Variants in CARS2 observed in about 807,000 individuals in gnomAD.
The protein encoded by CARS2 is cysteinyl-tRNA synthetase 2, mitochondrial, also known as probable cysteine--tRNA ligase, mitochondrial.
In CARS2, 52 loss-of-function variants were observed where a neutral mutation model predicts 68.8. The ratio of observed to expected loss-of-function variants is 0.76; its 90% CI spans 0.61 to 0.95. The LOEUF (loss-of-function observed/expected upper bound fraction) is 0.95. Among genes scored for constraint, CARS2 ranks in the 40% least tolerant of loss-of-function variants. The pLI is 0.00. For missense variants in CARS2, 780 were observed against 754.2 expected, an observed-to-expected ratio of 1.03 and a Z score of -0.40; for synonymous variants, 314 against 303.6, an observed-to-expected ratio of 1.03 and a Z score of -0.36.
intron 9 of CARS2, among the ~76,000 whole-genome samples, chr13:110,659,143 T>C (rs2062442045): frequency 6.6e-6 from 1 of 152,048 alleles, no homozygotes; most frequent in African/African-American, 2.4e-5. Flanking sequence ...CTCACACAAA[T>C]GTGCACATGC....
intron 3 of CARS2, among the ~76,000 whole-genome samples, chr13:110,700,994 A>T (rs542379991): frequency 1.3e-5 from 2 of 152,362 alleles, no homozygotes; most frequent in East Asian, 3.9e-4. Flanking sequence ...CATGTCTCAG[A>T]TTACACCCAC....
rs993539981 is a variant in CARS2, at chr13:110,670,280, G to A, written c.786-2807C>T. Among the ~76,000 whole-genome samples the A allele has an allele frequency of 3.9e-5, 6 of 152,216 alleles. 1 individual carries two copies. The highest frequency in any genetic ancestry group is 3.3e-4 in the Admixed American group (5 of 15,286). Reference sequence around the variant, plus strand: ...CTCCTCAAGTGGGTCCCTGATCCCCGAGTAGACCAACTGGGAGACACCTCC... The same window carrying A: ...CTCCTCAAGTGGGTCCCTGATCCCCAAGTAGACCAACTGGGAGACACCTCC... On this transcript the variant is annotated intron_variant, in intron 7 of 14. Coordinates refer to ENST00000257347, the MANE Select transcript of CARS2 (RefSeq NM_024537.4). The surrounding 1 kb of genome is among the most constrained non-coding windows in gnomAD (Gnocchi z 4.1).
At chr13:110,702,799 A>T (rs1207873330) in intron 2 of CARS2, among the ~76,000 whole-genome samples, 1 of 152,198 alleles carries the variant, frequency 6.6e-6, no homozygotes, top group Non-Finnish European at 1.5e-5. Flanking sequence ...CGGGCAGCCA[A>T]GTCTGAAGAA....
intron 3 of CARS2, among the ~76,000 whole-genome samples, chr13:110,698,267 C>A (rs1479059862): frequency 6.6e-6 from 1 of 151,988 alleles, no homozygotes; most frequent in Non-Finnish European, 1.5e-5. Context: ...CACCTGTAAT[C>A]CTAGCACTTT....
At chr13:110,712,879 C>G (rs745471892) in intron 1 of CARS2, 1 of 1,389,836 alleles carries the variant, frequency 7.2e-7, no homozygotes, top group Non-Finnish European at 9.9e-7. Flanking sequence ...CCGTTCCAAA[C>G]TGAGTACCGG....
rs780567107 is a variant in CARS2, at chr13:110,647,135, A to G, written c.1159T>C (p.Cys387Arg). The G allele has an allele frequency of 1.2e-6, 2 of 1,606,548 alleles. No individual in the cohort carries two copies. Among genetic ancestry groups the G allele is most frequent in the East Asian group, 4.5e-5 (2 of 44,728 alleles). Residue 387 changes from cysteine to arginine, a missense_variant, in exon 11 of 15, where the codon TGC becomes CGC. By Grantham distance (180) the Cys-to-Arg change is radical. Transcript: ENST00000257347. ...ARAYMKGQLA[C>R]GSVREAMLWE... ...AGCATCGCTTCCCTGACGGAGCCGC[A>G]GGCCAGCTGCCCCTTCATGTAGGCA...
rs576887753 is a variant in CARS2 at position 110,668,406 on chromosome 13, G to A, written c.786-933C>T. Among the ~76,000 whole-genome samples, 5 of 152,296 alleles carry A rather than the reference G, an allele frequency of 3.3e-5. No individual in the cohort carries two copies. The highest frequency in any genetic ancestry group is 2.1e-4 in the South Asian group (1 of 4,828). ...AAATACAAAAAATCAGCCGGGCGTG[G>A]TGGCGGGTGCCTGTAGTCCCAGCTG... On this transcript the variant is annotated intron_variant, in intron 7 of 14. Transcript: ENST00000257347. The surrounding 1 kb of genome is among the most constrained non-coding windows in gnomAD (Gnocchi z 4.1).
At chr13:110,687,493 C>G (rs944313633) in intron 5 of CARS2, among the ~76,000 whole-genome samples, 2 of 151,878 alleles carry the variant, frequency 1.3e-5, no homozygotes, top group African/African-American at 4.8e-5. Flanking sequence ...CATGGTGAAA[C>G]CTTATCTCTA....
intron 7 of CARS2, among the ~76,000 whole-genome samples, chr13:110,673,205 C>T (rs1332792890): frequency 6.6e-6 from 1 of 151,610 alleles, no homozygotes; most frequent in African/African-American, 2.4e-5. Context: ...AATCCTCCCT[C>T]ATTTTAAGAG....
upstream of CARS2, among the ~76,000 whole-genome samples, chr13:110,706,721 T>C (rs538815287): frequency 1.4e-5 from 2 of 147,106 alleles, no homozygotes; most frequent in African/African-American, 5.1e-5. Flanking sequence ...CAACACACAG[T>C]CTGCACCCCA....
At chr13:110,713,493 C>T in exon 1 of CARS2, 1 of 987,244 alleles carries the variant, frequency 1.0e-6, no homozygotes, top group African/African-American at 1.7e-5. Context: ...TGACGCTGTC[C>T]CCTCCGCGAC....
chr13:110,673,053 C>A (rs1289576738), intron 7 of CARS2, among the ~76,000 whole-genome samples: 1 of 152,190 alleles, frequency 6.6e-6, no homozygotes, highest in African/African-American at 2.4e-5. Context: ...ATAACAGGCT[C>A]TGAAATTAAG....
chr13:110,655,417 C>A (rs767925240), intron 9 of CARS2, among the ~76,000 whole-genome samples: 3 of 152,202 alleles, frequency 2.0e-5, no homozygotes, highest in African/African-American at 7.2e-5. Context: ...TTAAGCTGCA[C>A]CCACACACTG....
intron 3 of CARS2, among the ~76,000 whole-genome samples, chr13:110,696,264 A>G: frequency 6.7e-6 from 1 of 148,374 alleles, no homozygotes; most frequent in African/African-American, 2.6e-5. Flanking sequence ...AGAATGATTT[A>G]TAATCCTTTG....
chr13:110,685,515 C>T (rs926007325), intron 5 of CARS2, among the ~76,000 whole-genome samples: 1 of 152,174 alleles, frequency 6.6e-6, no homozygotes, highest in African/African-American at 2.4e-5. Context: ...ACATTCAATA[C>T]CTACGTATCT....
chr13:110,699,955 G>A (rs144847605), intron 3 of CARS2, among the ~76,000 whole-genome samples: 494 of 152,338 alleles, frequency 3.2e-3, no homozygotes, highest in Middle Eastern at 0.017. Flanking sequence ...AGACTCCAGT[G>A]GGGCCCTCAG....
intron 5 of CARS2, among the ~76,000 whole-genome samples, chr13:110,684,001 G>C (rs1178395162): frequency 6.6e-6 from 1 of 152,218 alleles, no homozygotes; most frequent in African/African-American, 2.4e-5. Flanking sequence ...CAAAGCCTAA[G>C]AAAGCAGAGC....
chr13:110,660,954 G>T (rs1006366940), intron 9 of CARS2, among the ~76,000 whole-genome samples: 1 of 151,998 alleles, frequency 6.6e-6, no homozygotes, highest in Admixed American at 6.6e-5. Flanking sequence ...TAGAGATAGG[G>T]TTTCACTGTG....
chr13:110,661,542 C>T (rs746081520), intron 9 of CARS2, among the ~76,000 whole-genome samples: 14 of 152,326 alleles, frequency 9.2e-5, no homozygotes, highest in South Asian at 4.1e-4. Context: ...TTCGTGTGTT[C>T]GCTGGAATAG....
Sources: gnomAD v4.1 joint callset for allele counts (sites outside exome capture counted in the v4.1 genomes callset) on GRCh38, gnomAD v4.1.1 for gene constraint, Gnocchi (gnomAD v3.1) non-coding constraint, MANE v1.5 for transcripts, NCBI Gene and HGNC (gene_info 2026-07-23, HGNC 2026-07-21) for gene names.